The following CABIN1 variants were observed in gnomAD, a reference collection of about 807,000 sequenced individuals.
CABIN1 encodes calcineurin-binding protein cabin-1.
CABIN1 carries 133 observed loss-of-function variants against 227.7 expected under a neutral mutation model. That is an observed-to-expected ratio of 0.58 (90% confidence interval 0.51 to 0.67). The LOEUF (loss-of-function observed/expected upper bound fraction) is 0.67. Ranked by LOEUF, CABIN1 falls within the 30% of genes least tolerant of loss-of-function variation. CABIN1 has a pLI of 0.00. For missense variants in CABIN1, 2,408 were observed against 2,852.5 expected, an observed-to-expected ratio of 0.84 and a Z score of 3.55; for synonymous variants, 1,086 against 1,155.1, an observed-to-expected ratio of 0.94 and a Z score of 1.21.
In CABIN1 at chr22:24,062,857, G is replaced by C. The variant is rs1489028858; in HGVS notation, c.1697-102G>C. The stretch of plus-strand genomic sequence containing the variant: ...CTCTGAGGGGCTTAGGGTGCCCCTG[G>C]AGATAGGGTGGGTGTGGTTAGGGCC... On this transcript the variant is annotated intron_variant, in intron 13 of 36. Coordinates refer to ENST00000263119, the MANE Select transcript of CABIN1 (RefSeq NM_012295.4). The C allele has an allele frequency of 3.6e-6, 4 of 1,113,894 alleles. No individual in the cohort carries two copies. In the East Asian group the frequency reaches 9.4e-5, roughly 26 times the overall value. 69.0% of individuals were successfully genotyped at this position (1,113,894 alleles called of 1,614,324 possible).
Position 24,054,948 on chromosome 22 carries a change from T to C in CABIN1, c.882T>C (p.Leu294=). ...CCTGTGAGCCCCCACGTCCCAGCCT[T>C]GGCAAAAGGATTGATTTGTCGGACT... ...LTTCEPPRPS[L]GKRIDLSDYQ... is the part of the protein sequence containing the mutation. Residue 294 remains leucine, a synonymous_variant, in exon 9 of 37, where the codon CTT becomes CTC. Transcript: ENST00000263119. 1 of 1,614,166 alleles carries C rather than the reference T, an allele frequency of 6.2e-7. No individual in the cohort carries two copies. The highest frequency in any genetic ancestry group is 1.1e-5 in the South Asian group (1 of 91,086).
Position 24,072,457 on chromosome 22 carries a change from A to G in CABIN1, c.2579A>G (p.Asp860Gly), listed in dbSNP as rs1458972702. Reference protein sequence around the residue: ...ILHRIIWQEEDTFHSLCHQQQ... With the variant: ...ILHRIIWQEEGTFHSLCHQQQ... ...CACCGGATCATCTGGCAGGAGGAAG[A>G]CACCTTCCATTCTCTGTGCCACCAG... The change falls in exon 18 of 37, where the codon GAC (aspartate) becomes GGC (glycine). Residue 860 changes from aspartate to glycine, a missense_variant. This residue lies in a region of CABIN1 where 1,045 missense variants were observed against 1,168.4 expected (regional missense o/e 0.89). Coordinates refer to ENST00000263119, the MANE Select transcript of CABIN1 (RefSeq NM_012295.4). 1 of 1,614,150 alleles carries G rather than the reference A, an allele frequency of 6.2e-7. No homozygotes were observed.
At chr22:24,059,499 T>A in intron 11 of CABIN1, 136 bp downstream of exon 11, 2 of 1,068,812 alleles carry the variant, frequency 1.9e-6, no homozygotes, top group South Asian at 1.4e-5. Flanking sequence ...GGATTAGTCT[T>A]GGACCTAAGC....
At chr22:24,154,879 C>G (rs901617161) in intron 29 of CABIN1, among the ~76,000 whole-genome samples, 4 of 152,146 alleles carry the variant, frequency 2.6e-5, no homozygotes, top group African/African-American at 9.7e-5. Context: ...CCAGCCAGCT[C>G]AGAGAGGAGA....
chr22:24,120,284 T>G (rs550499215), intron 28 of CABIN1, among the ~76,000 whole-genome samples: 41 of 152,274 alleles, frequency 2.7e-4, no homozygotes, highest in African/African-American at 9.4e-4. Context: ...TCCAGCTCTT[T>G]TTGGAAAGCG....
intron 19 of CABIN1, among the ~76,000 whole-genome samples, chr22:24,081,302 G>A (rs530879209): frequency 2.0e-5 from 3 of 152,250 alleles, no homozygotes; most frequent in African/African-American, 4.8e-5. Context: ...TCTTTTTGGG[G>A]AGTGTTATAA....
rs532750942 is a variant in CABIN1 at position 24,066,048 on chromosome 22, G to C, written c.2038-939G>C. ...GAGATGGAGAGGGAGACCGTAGGGA[G>C]AGGGAGAGGGAGTGAAAGGTTTTAA... is the stretch of plus-strand genomic sequence containing the variant. On this transcript the variant is annotated intron_variant, in intron 15 of 36. Coordinates refer to ENST00000263119, the MANE Select transcript of CABIN1 (RefSeq NM_012295.4). Among the ~76,000 whole-genome samples the C allele has an allele frequency of 2.0e-5, 3 of 150,608 alleles. No individual in the cohort carries two copies. In the East Asian group the frequency reaches 5.8e-4, roughly 29 times the overall value.
At position 24,166,874 on chromosome 22, in the gene CABIN1, A is replaced by G; in HGVS notation, c.5243A>G (p.Lys1748Arg). Residue 1748 changes from lysine to arginine, a missense_variant, in exon 32 of 37, where the codon AAG becomes AGG. Lys to Arg is a conservative substitution (Grantham distance 26). This residue lies in a region of CABIN1 where 714 missense variants were observed against 773.8 expected (regional missense o/e 0.92). Coordinates refer to ENST00000263119, the MANE Select transcript of CABIN1 (RefSeq NM_012295.4). ...GDSADQSGER[K>R]DKESPRAGPT... ...AGTGCAGACCAAAGCGGGGAGCGGA[A>G]GGATAAAGAGAGCCCACGGGCAGGG... The G allele has an allele frequency of 1.9e-6, 3 of 1,611,790 alleles. No homozygotes were observed. The highest frequency in any genetic ancestry group is 2.5e-6 in the Non-Finnish European group (3 of 1,179,398).
chr22:24,167,342 C>G lies in CABIN1; in HGVS notation c.5682+29C>G, dbSNP rs766581766. On this transcript the variant is annotated intron_variant, in intron 32 of 36. Transcript: ENST00000263119. ...GGTGGCAGGCAGAGGCCTGGGGGCA[C>G]TAGTCTGCTGGCAGCATCCCCACTC... 2.5e-6 allele frequency: 4 copies of G among 1,596,396 alleles called. No individual in the cohort carries two copies. In the South Asian group the frequency reaches 4.5e-5, roughly 18 times the overall value.
rs753003069 is a variant in CABIN1 at position 24,176,094 on chromosome 22, A to G, written c.6041-17A>G. On this transcript the variant is annotated splice_polypyrimidine_tract_variant and intron_variant, in intron 34 of 36. Coordinates refer to ENST00000263119, the MANE Select transcript of CABIN1 (RefSeq NM_012295.4). ...GTGGATGAGTCTATTACCTGCAGTG[A>G]GCCCATGTCCCCACAGAGGGAGAAG... 6.2e-7 allele frequency: 1 copy of G among 1,607,772 alleles called. No homozygotes were observed. The highest frequency in any genetic ancestry group is 2.2e-5 in the East Asian group (1 of 44,652).
At chr22:24,067,880 T>TG (rs2039802563) in intron 16 of CABIN1, among the ~76,000 whole-genome samples, 1 of 152,186 alleles carries the variant, frequency 6.6e-6, no homozygotes, top group African/African-American at 2.4e-5. Flanking sequence ...CTGTCATCGT[T>TG]GCCACCATCC....
intron 23 of CABIN1, 60 bp from the exon 24 acceptor site, chr22:24,091,523 A>G: frequency 5.0e-6 from 8 of 1,609,852 alleles, no homozygotes; most frequent in Non-Finnish European, 6.8e-6. Flanking sequence ...TACAGGAAAA[A>G]GTCTGATCCC....
At chr22:24,069,054 T>G (rs2146665077) in intron 16 of CABIN1, among the ~76,000 whole-genome samples, 1 of 152,378 alleles carries the variant, frequency 6.6e-6, no homozygotes, top group Admixed American at 6.5e-5. Context: ...TGCATTTAAC[T>G]TGTTTCATTT....
At chr22:24,108,738 G>C (rs1670217108) in intron 26 of CABIN1, among the ~76,000 whole-genome samples, 2 of 152,122 alleles carry the variant, frequency 1.3e-5, no homozygotes, top group Non-Finnish European at 2.9e-5. Context: ...GCACCCTTTG[G>C]AGCACAGACC....
chr22:24,130,719 A>G (rs1327738017), intron 28 of CABIN1, among the ~76,000 whole-genome samples: 2 of 152,020 alleles, frequency 1.3e-5, no homozygotes, highest in South Asian at 4.2e-4. Flanking sequence ...GTCAGCACCT[A>G]TCTGGGGCCT....
At chr22:24,079,866 T>G (rs1240395055) in intron 19 of CABIN1, among the ~76,000 whole-genome samples, 2 of 152,172 alleles carry the variant, frequency 1.3e-5, no homozygotes, top group African/African-American at 4.8e-5. Flanking sequence ...GTGTGCTTAG[T>G]TCTATTTCTA....
intron 27 of CABIN1, among the ~76,000 whole-genome samples, chr22:24,115,062 G>C (rs2043008606): frequency 6.6e-6 from 1 of 152,184 alleles, no homozygotes. Flanking sequence ...TTTGGAATGG[G>C]AAGGAAAAAG....
intron 8 of CABIN1, among the ~76,000 whole-genome samples, chr22:24,052,351 A>G (rs894887688): frequency 3.9e-5 from 6 of 152,184 alleles, no homozygotes; most frequent in Admixed American, 3.3e-4. Flanking sequence ...ATGCTTTTAT[A>G]GTAATCTCCA....
intron 1 of CABIN1, among the ~76,000 whole-genome samples, chr22:24,015,188 C>T (rs1228326577): frequency 1.4e-5 from 2 of 141,538 alleles, no homozygotes; most frequent in Non-Finnish European, 3.0e-5. Context: ...ATCGCTTGAA[C>T]CTGGGAGGCA....
Sources: gnomAD v4.1 joint callset for allele counts (sites outside exome capture counted in the v4.1 genomes callset) on GRCh38, gnomAD v4.1.1 for gene constraint, gnomAD v4.1.1 regional missense constraint, MANE v1.5 for transcripts, NCBI Gene and HGNC (gene_info 2026-07-23, HGNC 2026-07-21) for gene names.